The following MAP7 variants were observed in gnomAD, a reference collection of about 807,000 sequenced individuals.
MAP7 encodes the protein ensconsin.
In MAP7, 52 loss-of-function variants were observed where a neutral mutation model predicts 94.8. The ratio of observed to expected loss-of-function variants is 0.55; its 90% CI spans 0.44 to 0.69. MAP7 has a LOEUF of 0.69. Ranked by LOEUF, MAP7 falls within the 30% of genes least tolerant of loss-of-function variation. The probability of loss-of-function intolerance (pLI) is 0.00; values close to 1 mark genes in which losing one functional copy is unlikely to be tolerated. For missense variants in MAP7, 940 were observed against 964.6 expected (o/e 0.97, Z 0.34); for synonymous variants, 350 against 357.0 (o/e 0.98, Z 0.22).
At chr6:136,482,620 G>A (rs1001442413) in intron 1 of MAP7, among the ~76,000 whole-genome samples, 1 of 150,166 alleles carries the variant, frequency 6.7e-6, no homozygotes, top group Non-Finnish European at 1.5e-5. Flanking sequence ...AAAAACAGAC[G>A]CATGCATATG....
chr6:136,524,878 ATAATT>A (rs1318460543), intron 1 of MAP7, among the ~76,000 whole-genome samples: 3 of 152,248 alleles, frequency 2.0e-5, no homozygotes, highest in South Asian at 4.1e-4. Flanking sequence ...CAGTGACAGA[ATAATT>A]TAAGAGCAAG....
At chr6:136,466,619 A>C in intron 1 of MAP7, 1 of 670,568 alleles carries the variant, frequency 1.5e-6, no homozygotes, top group East Asian at 2.9e-5. Flanking sequence ...ACAATGATTA[A>C]AAAAAAAAAG....
chr6:136,358,446 T>C (rs1263059456), intron 15 of MAP7, among the ~76,000 whole-genome samples: 1 of 152,212 alleles, frequency 6.6e-6, no homozygotes, highest in Non-Finnish European at 1.5e-5. Flanking sequence ...GGTTATAATA[T>C]ACAACCATTA....
At chr6:136,449,018 A>AAG (rs1554257990) in intron 1 of MAP7, among the ~76,000 whole-genome samples, 2,329 of 143,580 alleles carry the variant, frequency 0.016, 75 homozygotes, top group African/African-American at 0.046. Flanking sequence ...AAAAAAAAAA[A>AAG]AAGAAGCAAG....
intron 1 of MAP7, among the ~76,000 whole-genome samples, chr6:136,442,705 A>G (rs1222874377): frequency 6.6e-6 from 1 of 152,138 alleles, no homozygotes; most frequent in African/African-American, 2.4e-5. Flanking sequence ...GATTTTTCAC[A>G]TTTTTCATTG....
At chr6:136,352,547 C>G (rs927628212) in intron 16 of MAP7, among the ~76,000 whole-genome samples, 3 of 152,126 alleles carry the variant, frequency 2.0e-5, no homozygotes, top group African/African-American at 7.2e-5. Flanking sequence ...CACAAGTGCT[C>G]TTTATTTCTT....
chr6:136,352,605 C>T (rs922575142), intron 16 of MAP7, among the ~76,000 whole-genome samples: 1 of 152,080 alleles, frequency 6.6e-6, no homozygotes, highest in Non-Finnish European at 1.5e-5. Flanking sequence ...TACTCCAATC[C>T]GAATGATAGT....
chr6:136,505,211 ACT>A (rs1335098187), intron 1 of MAP7, among the ~76,000 whole-genome samples: 1 of 146,822 alleles, frequency 6.8e-6, no homozygotes, highest in African/African-American at 2.5e-5. Context: ...CTTCCTGAAC[ACT>A]GTTTTAAGAA....
At chr6:136,372,931 T>C (rs867483985) in intron 7 of MAP7, among the ~76,000 whole-genome samples, 1 of 152,162 alleles carries the variant, frequency 6.6e-6, no homozygotes, top group Non-Finnish European at 1.5e-5. Flanking sequence ...AGTAATCCAG[T>C]AATTATGGAG....
At chr6:136,354,147 T>C (rs1182332389) in intron 16 of MAP7, among the ~76,000 whole-genome samples, 2 of 140,004 alleles carry the variant, frequency 1.4e-5, no homozygotes, top group African/African-American at 5.7e-5. Context: ...TATATACATC[T>C]ACTATATATA....
chr6:136,456,625 T>C (rs1370575484), intron 1 of MAP7, among the ~76,000 whole-genome samples: 1 of 151,486 alleles, frequency 6.6e-6, no homozygotes, highest in Non-Finnish European at 1.5e-5. Flanking sequence ...TGGTCCATGA[T>C]TATGCTATAG....
At chr6:136,537,345 GGTTTTTCTATCCAAAGTT>G (rs1828969202) in intron 1 of MAP7, among the ~76,000 whole-genome samples, 1 of 152,036 alleles carries the variant, frequency 6.6e-6, no homozygotes, top group South Asian at 2.1e-4. Context: ...AAGATTATGG[GGTTTTTCTATCCAAAGTT>G]GTTCGAGTCT....
intron 3 of MAP7, among the ~76,000 whole-genome samples, chr6:136,393,980 T>C (rs867889219): frequency 7.5e-6 from 1 of 133,258 alleles, no homozygotes; most frequent in Non-Finnish European, 1.6e-5. Context: ...GCAAAGGTAT[T>C]TTTTTTTTTT....
At chr6:136,385,280 A>C (rs371783067) in intron 5 of MAP7, among the ~76,000 whole-genome samples, 3 of 146,470 alleles carry the variant, frequency 2.0e-5, no homozygotes, top group Admixed American at 6.8e-5. Context: ...TAAAAAAAAA[A>C]CCACTTCTGT....
intron 1 of MAP7, among the ~76,000 whole-genome samples, chr6:136,480,310 G>T (rs1393722432): frequency 1.3e-5 from 2 of 152,088 alleles, no homozygotes; most frequent in Non-Finnish European, 2.9e-5. Flanking sequence ...AATGAAACTA[G>T]ATCTCTATCT....
At chr6:136,391,423 G>T (rs1276668763) in intron 3 of MAP7, among the ~76,000 whole-genome samples, 1 of 125,024 alleles carries the variant, frequency 8.0e-6, no homozygotes, top group African/African-American at 2.9e-5. Context: ...AGGGGGGAGG[G>T]ATAGCATTGG....
At chr6:136,461,408 A>G (rs1805160649) in intron 1 of MAP7, among the ~76,000 whole-genome samples, 1 of 152,222 alleles carries the variant, frequency 6.6e-6, no homozygotes, top group Non-Finnish European at 1.5e-5. Context: ...GCTCAATAAA[A>G]CATTATATAA....
intron 16 of MAP7, among the ~76,000 whole-genome samples, chr6:136,347,161 CA>C (rs1787943568): frequency 6.6e-6 from 1 of 152,192 alleles, no homozygotes. Context: ...GCCTATGCAT[CA>C]AATGAGTGCT....
At chr6:136,402,905 C>CAAA (rs57114676) in intron 3 of MAP7, among the ~76,000 whole-genome samples, 9 of 67,392 alleles carry the variant, frequency 1.3e-4, no homozygotes, top group Non-Finnish European at 1.8e-4. Flanking sequence ...GACTCTGTCT[C>CAAA]AAAAAAAAAA....
Sources: allele counts gnomAD v4.1 joint callset (sites outside exome capture counted in the v4.1 genomes callset), GRCh38; gene constraint gnomAD v4.1.1; transcripts MANE v1.5; gene names NCBI Gene and HGNC (gene_info 2026-07-23, HGNC 2026-07-21).